Variants in COG6 observed in about 807,000 individuals in gnomAD.
The protein encoded by COG6 is conserved oligomeric Golgi complex subunit 6.
COG6 carries 74 observed loss-of-function variants against 88.8 expected under a neutral mutation model. The ratio of observed to expected loss-of-function variants is 0.83; its 90% CI spans 0.69 to 1.01. COG6 has a LOEUF of 1.01. Ranked by LOEUF, COG6 falls within the 50% of genes least tolerant of loss-of-function variation. COG6 has a pLI of 0.00. For synonymous variants in COG6, 286 were observed against 278.7 expected (o/e 1.03, Z -0.26); for missense variants, 800 against 797.9 (o/e 1.00, Z -0.03).
At chr13:39,786,517 GA>G (rs1881777292) in intron 18 of COG6, among the ~76,000 whole-genome samples, 1 of 152,184 alleles carries the variant, frequency 6.6e-6, no homozygotes, top group African/African-American at 2.4e-5. Flanking sequence ...CACATTTCAA[GA>G]AAATGACAAC....
chr13:39,682,561 T>C (rs1219815916), intron 8 of COG6: 1 of 300,586 alleles, frequency 3.3e-6, no homozygotes, highest in Non-Finnish European at 6.3e-6. Context: ...TCCCTTAGAA[T>C]TGTAAGTAAC....
In COG6 at chr13:39,699,601, A is replaced by G. The variant is rs191403657; in HGVS notation, c.1267A>G (p.Ser423Gly). Residue 423 changes from serine (S) to glycine (G), a missense_variant, in exon 13 of 19, where the codon AGT (serine) becomes GGT (glycine). By Grantham distance (56) the Ser-to-Gly change is moderately conservative. Transcript: ENST00000455146. ...CTTCAATAGCTTGAGTCTTCATGCA[A>G]GTAAATTAATGGACAAGGTATGTTT... is the stretch of plus-strand genomic sequence containing the variant. ...IFFNSLSLHASKLMDKVELPP... is the reference protein window; with the variant it reads ...IFFNSLSLHAGKLMDKVELPP... 2.1e-6 allele frequency: 3 copies of G among 1,455,904 alleles called. No individual in the cohort carries two copies. Among genetic ancestry groups the G allele is most frequent in the Admixed American group, 1.7e-5 (1 of 59,468 alleles). 90.2% of individuals were successfully genotyped at this position (1,455,904 alleles called of 1,614,324 possible). A position where few individuals can be genotyped will look rare whatever the true frequency, so the allele number is the denominator to read the frequency against.
intron 18 of COG6, among the ~76,000 whole-genome samples, chr13:39,767,645 A>C (rs541559499): frequency 6.6e-6 from 1 of 152,298 alleles, no homozygotes; most frequent in South Asian, 2.1e-4. Context: ...ACTTTCAGGG[A>C]AGGAGCAGAA....
chr13:39,746,733 A>T (rs1880371785), intron 18 of COG6, among the ~76,000 whole-genome samples: 1 of 152,212 alleles, frequency 6.6e-6, no homozygotes, highest in Non-Finnish European at 1.5e-5. Context: ...ACAGATACTT[A>T]ATATACTTTT....
At chr13:39,682,644 G>T (rs1054577295) in intron 8 of COG6, among the ~76,000 whole-genome samples, 1 of 152,048 alleles carries the variant, frequency 6.6e-6, no homozygotes, top group Non-Finnish European at 1.5e-5. Flanking sequence ...GTTATGCAGA[G>T]ATGAAAAAAG....
intron 12 of COG6, among the ~76,000 whole-genome samples, chr13:39,697,302 C>G (rs1877328974): frequency 1.3e-5 from 2 of 151,608 alleles, no homozygotes; most frequent in South Asian, 4.2e-4. Flanking sequence ...GGACTGAGTC[C>G]TGGGAAACTC....
intron 18 of COG6, among the ~76,000 whole-genome samples, chr13:39,727,749 C>A (rs1004035749): frequency 2.6e-5 from 4 of 152,052 alleles, no homozygotes; most frequent in Non-Finnish European, 4.4e-5. Context: ...ATATGTCACT[C>A]CAAAATCTCT....
chr13:39,668,798 AAAAAG>A (rs1436786015), intron 4 of COG6, among the ~76,000 whole-genome samples: 13 of 151,886 alleles, frequency 8.6e-5, no homozygotes, highest in Non-Finnish European at 1.2e-4. Context: ...AAAAAAAAAA[AAAAAG>A]AAAAGAAAAG....
chr13:39,692,804 C>T (rs1045831871), intron 11 of COG6, among the ~76,000 whole-genome samples: 18 of 151,966 alleles, frequency 1.2e-4, no homozygotes, highest in African/African-American at 3.1e-4. Context: ...TGCTGCTTCT[C>T]GTAATGCAGT....
intron 18 of COG6, among the ~76,000 whole-genome samples, chr13:39,770,990 GA>G (rs1458763259): frequency 2.6e-5 from 4 of 152,098 alleles, no homozygotes; most frequent in Admixed American, 6.5e-5. Context: ...TTTCATTAAA[GA>G]AAATCCTACA....
At chr13:39,706,261 A>ATATATATATATATATATATATACTCTTT (rs1316496387) in intron 13 of COG6, among the ~76,000 whole-genome samples, 3 of 137,668 alleles carry the variant, frequency 2.2e-5, no homozygotes, top group Non-Finnish European at 3.2e-5. Flanking sequence ...TCCTTTATAT[A>ATATATATATATATATATATATACTCTTT]TATATATATA....
In COG6 at chr13:39,724,557, C is replaced by T. The variant is rs752755143; in HGVS notation, c.1742C>T (p.Ala581Val). 1.1e-5 allele frequency: 18 copies of T among 1,589,314 alleles called. No homozygotes were observed. The highest frequency in any genetic ancestry group is 2.2e-5 in the East Asian group (1 of 44,592). Reference sequence around the variant, plus strand: ...CTAGATTCTGTGACACTGAAGGCTGCAATGGTAAGTGTATAATAAAACATT... The same window carrying T: ...CTAGATTCTGTGACACTGAAGGCTGTAATGGTAAGTGTATAATAAAACATT... ...PNLDSVTLKAAMVQFDRYLSA... is the reference protein window; with the variant it reads ...PNLDSVTLKAVMVQFDRYLSA... The change falls in exon 17 of 19, where the codon GCA becomes GTA. Residue 581 changes from alanine (A) to valine (V), a missense_variant. Physicochemically the swap from Ala to Val is moderately conservative, Grantham distance 64. Transcript: ENST00000455146.
chr13:39,734,233 C>G (rs1879613961), intron 18 of COG6, among the ~76,000 whole-genome samples: 1 of 152,018 alleles, frequency 6.6e-6, no homozygotes, highest in Non-Finnish European at 1.5e-5. Flanking sequence ...TTTGTAGGCA[C>G]TTACAGCTAC....
At chr13:39,683,864 C>A (rs1207652584) in intron 8 of COG6, among the ~76,000 whole-genome samples, 1 of 151,974 alleles carries the variant, frequency 6.6e-6, no homozygotes, top group Non-Finnish European at 1.5e-5. Flanking sequence ...TGGAAAGGAG[C>A]AATATTAAAT....
chr13:39,676,602 G>A (rs1204819815), intron 4 of COG6, among the ~76,000 whole-genome samples: 3 of 152,028 alleles, frequency 2.0e-5, no homozygotes, highest in African/African-American at 7.2e-5. Flanking sequence ...ATAAAACAGA[G>A]GTGGCAGATG....
intron 18 of COG6, among the ~76,000 whole-genome samples, chr13:39,728,462 T>A (rs1051743702): frequency 1.5e-5 from 2 of 134,218 alleles, no homozygotes; most frequent in African/African-American, 5.4e-5. Flanking sequence ...GCTGGAAATC[T>A]ATGGACCACT....
intron 18 of COG6, among the ~76,000 whole-genome samples, chr13:39,758,024 A>C (rs1313372202): frequency 3.3e-5 from 5 of 152,048 alleles, no homozygotes; most frequent in Admixed American, 6.6e-5. Context: ...GATCGAGACC[A>C]TCCTGTCCAA....
intron 11 of COG6, among the ~76,000 whole-genome samples, chr13:39,692,445 T>G (rs1327160800): frequency 6.6e-6 from 1 of 152,020 alleles, no homozygotes; most frequent in Non-Finnish European, 1.5e-5. Flanking sequence ...AGCAGGTATA[T>G]GTAAAAGATC....
At chr13:39,773,118 C>G (rs1455709946) in intron 18 of COG6, among the ~76,000 whole-genome samples, 1 of 152,208 alleles carries the variant, frequency 6.6e-6, no homozygotes, top group Non-Finnish European at 1.5e-5. Flanking sequence ...CACCCCCACT[C>G]CTCTTACCTC....
Sources: gnomAD v4.1 joint callset for allele counts (sites outside exome capture counted in the v4.1 genomes callset) on GRCh38, gnomAD v4.1.1 for gene constraint, MANE v1.5 for transcripts, NCBI Gene and HGNC (gene_info 2026-07-23, HGNC 2026-07-21) for gene names.